RORA: variants seen among roughly 807,000 people sequenced by gnomAD.
The protein encoded by RORA is nuclear receptor ROR-alpha.
RORA carries 7 observed loss-of-function variants against 69.5 expected under a neutral mutation model. That is an observed-to-expected ratio of 0.10 (90% CI 0.06 to 0.19). The LOEUF (loss-of-function observed/expected upper bound fraction) is 0.19, where lower values mean the gene tolerates loss of function less well. RORA is among the 10% of genes least tolerant of loss of function. The pLI, the probability that RORA is intolerant of heterozygous loss-of-function variation, is 1.00. For synonymous variants in RORA, 261 were observed against 240.8 expected (o/e 1.08, Z -0.78); for missense variants, 457 against 663.0 (o/e 0.69, Z 3.41).
chr15:61,190,133 C>T (rs1482179352), intron 1 of RORA, among the ~76,000 whole-genome samples: 1 of 151,862 alleles, frequency 6.6e-6, no homozygotes, highest in African/African-American at 2.4e-5. Flanking sequence ...AATTCTCATG[C>T]TTATCAATAA....
chr15:60,838,046 A>G (rs1218121151), intron 1 of RORA, among the ~76,000 whole-genome samples: 3 of 152,062 alleles, frequency 2.0e-5, no homozygotes, highest in African/African-American at 7.2e-5. Context: ...GACCATCCAG[A>G]TCCTTCAAGG....
chr15:60,908,724 G>T (rs1451745841), intron 1 of RORA, among the ~76,000 whole-genome samples: 1 of 152,032 alleles, frequency 6.6e-6, no homozygotes, highest in Non-Finnish European at 1.5e-5. Flanking sequence ...CCCCAGTAAT[G>T]CAGGCTAAAT....
At chr15:61,091,622 C>T (rs2078708476) in intron 1 of RORA, among the ~76,000 whole-genome samples, 1 of 152,182 alleles carries the variant, frequency 6.6e-6, no homozygotes, top group Non-Finnish European at 1.5e-5. Context: ...GTCAGCCAGC[C>T]TTAATAGATT....
chr15:61,142,666 A>AAT (rs1485013064), intron 1 of RORA, among the ~76,000 whole-genome samples: 5 of 152,182 alleles, frequency 3.3e-5, no homozygotes, highest in Non-Finnish European at 5.9e-5. Flanking sequence ...ACCACCACCA[A>AAT]ATAGAGCTTA....
chr15:60,586,492 C>T (rs2068340281), intron 2 of RORA, among the ~76,000 whole-genome samples: 1 of 151,880 alleles, frequency 6.6e-6, no homozygotes, highest in Non-Finnish European at 1.5e-5. Context: ...GTGTGTGTTA[C>T]AGTACTAGTC....
intron 1 of RORA, among the ~76,000 whole-genome samples, chr15:60,933,125 C>T (rs1303926418): frequency 6.6e-6 from 1 of 152,146 alleles, no homozygotes; most frequent in Non-Finnish European, 1.5e-5. Context: ...TCAAGTATTA[C>T]CCATCCCAAT....
chr15:61,132,857 A>G (rs2079203494), intron 1 of RORA, among the ~76,000 whole-genome samples: 1 of 152,218 alleles, frequency 6.6e-6, no homozygotes, highest in Non-Finnish European at 1.5e-5. Context: ...GTATAAATGT[A>G]TGCTGTTTTC....
rs111257426 is a variant in RORA at position 61,193,161 on chromosome 15, C to T, written c.166+35892G>A. On this transcript the variant is annotated intron_variant, in intron 1 of 10. Transcript: ENST00000335670. ...CCCGAACACATGATGCCAATTCCTA[C>T]CCCTCACACTTTGTTTCTACCATCC... Among the ~76,000 whole-genome samples the T allele has an allele frequency of 4.8e-3, 724 of 152,312 alleles. 2 individuals are homozygous for T. Among genetic ancestry groups the T allele is most frequent in the African/African-American group, 0.017 (700 of 41,576 alleles).
At chr15:60,880,866 CA>C (rs1294812893) in intron 1 of RORA, among the ~76,000 whole-genome samples, 1 of 152,138 alleles carries the variant, frequency 6.6e-6, no homozygotes, top group African/African-American at 2.4e-5. Flanking sequence ...TCCGCCGATG[CA>C]TTTAACTTTT....
intron 1 of RORA, among the ~76,000 whole-genome samples, chr15:60,689,638 C>T (rs754793288): frequency 2.6e-5 from 4 of 151,980 alleles, no homozygotes; most frequent in Non-Finnish European, 4.4e-5. Flanking sequence ...GGTCCAGGGA[C>T]CAGTCATCTG....
At chr15:60,669,454 G>A (rs987499873) in intron 2 of RORA, among the ~76,000 whole-genome samples, 2 of 152,012 alleles carry the variant, frequency 1.3e-5, no homozygotes, top group Non-Finnish European at 2.9e-5. Flanking sequence ...TTCAGAGAAG[G>A]GACTGGAGCA....
intron 1 of RORA, among the ~76,000 whole-genome samples, chr15:61,163,511 C>T (rs2079514792): frequency 6.6e-6 from 1 of 152,202 alleles, no homozygotes; most frequent in African/African-American, 2.4e-5. Flanking sequence ...GCAGCCAACA[C>T]ATAGACCTGA....
intron 1 of RORA, among the ~76,000 whole-genome samples, chr15:61,137,097 A>AAGAAAG (rs1555414105): frequency 1.3e-5 from 2 of 149,900 alleles, no homozygotes; most frequent in Non-Finnish European, 2.9e-5. Context: ...GAAAGAAAGA[A>AAGAAAG]AGAAAAAAGC....
At chr15:61,190,075 T>C (rs1235999071) in intron 1 of RORA, among the ~76,000 whole-genome samples, 1 of 152,106 alleles carries the variant, frequency 6.6e-6, no homozygotes, top group Non-Finnish European at 1.5e-5. Context: ...GCTCATTATA[T>C]CTTTTAAAGT....
At chr15:60,885,885 G>A (rs781197752) in intron 1 of RORA, among the ~76,000 whole-genome samples, 15 of 152,208 alleles carry the variant, frequency 9.9e-5, no homozygotes, top group East Asian at 1.9e-4. Context: ...TGTGAAGCAC[G>A]GAGCTCAGGA....
intron 1 of RORA, among the ~76,000 whole-genome samples, chr15:60,959,079 A>C (rs1362946284): frequency 6.6e-6 from 1 of 152,252 alleles, no homozygotes; most frequent in Non-Finnish European, 1.5e-5. Context: ...ACATATTCCA[A>C]GGCTGTAGAA....
chr15:60,726,567 C>T (rs981276886), intron 1 of RORA, among the ~76,000 whole-genome samples: 49 of 152,180 alleles, frequency 3.2e-4, no homozygotes, highest in Non-Finnish European at 3.4e-4. Flanking sequence ...GCTGGAAAAT[C>T]AGCATCCAAT....
Position 60,949,924 on chromosome 15 carries a change from G to C in RORA, c.167-271238C>G, listed in dbSNP as rs1021657947. Among the ~76,000 whole-genome samples, 16 of 152,252 alleles carry C rather than the reference G, an allele frequency of 1.1e-4. No homozygotes were observed. The South Asian group carries it at 3.3e-3, about 32-fold the overall frequency. ...TTTCCAGCTCGGTAGGCTAGAAACT[G>C]AATCTTAAAGAGTCACTGGACATAC... On this transcript the variant is annotated intron_variant, in intron 1 of 10. Transcript: ENST00000335670.
intron 1 of RORA, among the ~76,000 whole-genome samples, chr15:60,935,372 C>T (rs1892490338): frequency 6.6e-6 from 1 of 152,190 alleles, no homozygotes; most frequent in Non-Finnish European, 1.5e-5. Context: ...ACACAGTGAT[C>T]CCACACAAGC....
Sources: gnomAD v4.1 joint callset for allele counts (sites outside exome capture counted in the v4.1 genomes callset) on GRCh38, gnomAD v4.1.1 for gene constraint, MANE v1.5 for transcripts, NCBI Gene and HGNC (gene_info 2026-07-23, HGNC 2026-07-21) for gene names.